Variants in AGBL4 observed in about 807,000 individuals in gnomAD.
The protein encoded by AGBL4 is cytosolic carboxypeptidase 6.
AGBL4 carries 58 observed loss-of-function variants against 66.4 expected under a neutral mutation model. The observed-to-expected ratio is 0.87, with a 90% CI of 0.71 to 1.09. AGBL4 has a LOEUF of 1.09. Ranked by LOEUF, AGBL4 falls within the 50% of genes least tolerant of loss-of-function variation. The probability of loss-of-function intolerance (pLI) is 0.00; values close to 1 mark genes in which losing one functional copy is unlikely to be tolerated. For synonymous variants in AGBL4, 234 were observed against 222.9 expected (o/e 1.05, Z -0.44); for missense variants, 579 against 631.0 (o/e 0.92, Z 0.88).
At chr1:49,953,181 AGT>A (rs1656306871) in intron 1 of AGBL4, among the ~76,000 whole-genome samples, 2 of 152,122 alleles carry the variant, frequency 1.3e-5, no homozygotes, top group South Asian at 4.1e-4. Context: ...TTTATGGACC[AGT>A]AATGAAATGA....
At chr1:49,638,074 G>A (rs1645712742) in intron 3 of AGBL4, among the ~76,000 whole-genome samples, 1 of 152,116 alleles carries the variant, frequency 6.6e-6, no homozygotes, top group Non-Finnish European at 1.5e-5. Context: ...GTTGTTCTTA[G>A]TTTAAATTGG....
chr1:48,688,504 AT>A (rs1329108052), intron 6 of AGBL4, among the ~76,000 whole-genome samples: 3 of 152,192 alleles, frequency 2.0e-5, no homozygotes, highest in Admixed American at 2.0e-4. Context: ...CAACAAAGAC[AT>A]TGCTGAGTGT....
intron 3 of AGBL4, among the ~76,000 whole-genome samples, chr1:49,375,326 C>T (rs1570558863): frequency 6.6e-6 from 1 of 152,198 alleles, no homozygotes; most frequent in East Asian, 1.9e-4. Context: ...GCCATTTATC[C>T]TTTCCCATGA....
chr1:48,762,275 C>A (rs774194558), intron 6 of AGBL4, among the ~76,000 whole-genome samples: 3 of 152,206 alleles, frequency 2.0e-5, no homozygotes, highest in Non-Finnish European at 4.4e-5. Flanking sequence ...ATTATTTCTA[C>A]TCATTTTCTC....
chr1:48,538,247 C>T (rs1462321003), intron 12 of AGBL4, among the ~76,000 whole-genome samples: 1 of 152,082 alleles, frequency 6.6e-6, no homozygotes, highest in East Asian at 1.9e-4. Flanking sequence ...CAAAGACTTG[C>T]CCTAGGTCTT....
At chr1:49,147,921 C>T (rs1189648944) in intron 4 of AGBL4, among the ~76,000 whole-genome samples, 2 of 152,094 alleles carry the variant, frequency 1.3e-5, no homozygotes, top group African/African-American at 4.8e-5. Context: ...TCTCCCTATG[C>T]ACTATCCTGT....
intron 6 of AGBL4, among the ~76,000 whole-genome samples, chr1:48,836,280 G>A (rs1181944109): frequency 7.1e-6 from 1 of 141,722 alleles, no homozygotes; most frequent in Non-Finnish European, 1.5e-5. Flanking sequence ...CACCAGGGAG[G>A]CTACTAAGTT....
intron 4 of AGBL4, among the ~76,000 whole-genome samples, chr1:49,222,121 G>T (rs1341478084): frequency 6.6e-6 from 1 of 151,862 alleles, no homozygotes; most frequent in Non-Finnish European, 1.5e-5. Context: ...TCCATCTATG[G>T]CCTTTCTATC....
intron 3 of AGBL4, among the ~76,000 whole-genome samples, chr1:49,684,116 C>T (rs1424400515): frequency 2.0e-5 from 3 of 152,156 alleles, no homozygotes; most frequent in African/African-American, 7.2e-5. Flanking sequence ...GACTCTAAAG[C>T]TTTTCCCATA....
chr1:48,622,559 C>T (rs1368854050), intron 9 of AGBL4, among the ~76,000 whole-genome samples: 1 of 142,182 alleles, frequency 7.0e-6, no homozygotes, highest in African/African-American at 2.6e-5. Flanking sequence ...TCTCGGCTCA[C>T]TGCAACCTCT....
rs367844757 is a variant in AGBL4 at position 49,939,014 on chromosome 1, C to T, written c.34+84749G>A. On this transcript the variant is annotated intron_variant, in intron 1 of 13. Transcript: ENST00000371839. Reference sequence around the variant, plus strand: ...GCAACTTCAGCAAAGTCTCAGGATACAAAATCAATGTACAAAAATCACAAG... The same window carrying T: ...GCAACTTCAGCAAAGTCTCAGGATATAAAATCAATGTACAAAAATCACAAG... 3.4e-4 allele frequency among the ~76,000 whole-genome samples: 52 copies of T among 152,120 alleles called. 1 individual carries two copies. In the South Asian group the frequency reaches 9.6e-3, roughly 28 times the overall value.
intron 3 of AGBL4, among the ~76,000 whole-genome samples, chr1:49,377,135 A>C (rs567447431): frequency 1.3e-5 from 2 of 152,080 alleles, no homozygotes; most frequent in South Asian, 4.1e-4. Context: ...AGTGAATATA[A>C]AACAGTTAAA....
At chr1:49,005,776 G>A (rs2148996314) in intron 5 of AGBL4, among the ~76,000 whole-genome samples, 1 of 152,242 alleles carries the variant, frequency 6.6e-6, no homozygotes. Flanking sequence ...GCCGAGGCAG[G>A]TGGATCACAA....
chr1:49,804,409 G>A lies in AGBL4; in HGVS notation c.157+46987C>T, dbSNP rs549221434. Among the ~76,000 whole-genome samples, 5 of 152,258 alleles carry A rather than the reference G, an allele frequency of 3.3e-5. No individual in the cohort carries two copies. The East Asian group carries it at 5.8e-4, about 18-fold the overall frequency. On this transcript the variant is annotated intron_variant, in intron 2 of 13. Transcript: ENST00000371839. ...ATCTCCAGTGTAAGCCATTCTCTAA[G>A]TACAGTATACAATGGATGAGGTCAA... is the stretch of plus-strand genomic sequence containing the variant.
At chr1:49,573,321 A>C (rs1157967167) in intron 3 of AGBL4, among the ~76,000 whole-genome samples, 1 of 152,084 alleles carries the variant, frequency 6.6e-6, no homozygotes, top group African/African-American at 2.4e-5. Context: ...TTGGCTGCTT[A>C]ATATGGTTAG....
At chr1:49,701,612 C>A (rs922071968) in intron 2 of AGBL4, among the ~76,000 whole-genome samples, 2 of 151,580 alleles carry the variant, frequency 1.3e-5, no homozygotes, top group African/African-American at 2.4e-5. Context: ...CCAAAGAAAG[C>A]AGAATAAAGA....
At chr1:49,919,983 T>G (rs912141316) in intron 1 of AGBL4, among the ~76,000 whole-genome samples, 2 of 152,250 alleles carry the variant, frequency 1.3e-5, no homozygotes. Flanking sequence ...AAACAAGAAA[T>G]GGGGAAAGGA....
intron 4 of AGBL4, among the ~76,000 whole-genome samples, chr1:49,117,495 G>A (rs1480808155): frequency 6.6e-6 from 1 of 152,142 alleles, no homozygotes; most frequent in Admixed American, 6.5e-5. Flanking sequence ...CCCACTGCTT[G>A]TTTTTGTCAG....
At chr1:49,907,240 A>G (rs1650367218) in intron 1 of AGBL4, among the ~76,000 whole-genome samples, 1 of 152,160 alleles carries the variant, frequency 6.6e-6, no homozygotes, top group Non-Finnish European at 1.5e-5. Flanking sequence ...AAAGAACAGT[A>G]GCAATATCTT....
Sources: allele counts gnomAD v4.1 joint callset (sites outside exome capture counted in the v4.1 genomes callset), GRCh38; gene constraint gnomAD v4.1.1; transcripts MANE v1.5; gene names NCBI Gene and HGNC (gene_info 2026-07-23, HGNC 2026-07-21).